KCNAB2: variants seen among roughly 807,000 people sequenced by gnomAD.
The protein encoded by KCNAB2 is potassium voltage-gated channel subfamily A regulatory beta subunit 2.
Under a neutral mutation model 63.6 loss-of-function variants are expected in KCNAB2, and 29 were observed. The ratio of observed to expected loss-of-function variants is 0.46; its 90% confidence interval spans 0.34 to 0.62. The LOEUF is 0.62. Ranked by LOEUF, KCNAB2 falls within the 20% of genes least tolerant of loss-of-function variation. KCNAB2 has a pLI of 0.01. For missense variants in KCNAB2, 359 were observed against 563.9 expected (o/e 0.64, Z 3.68); for synonymous variants, 222 against 224.2 (o/e 0.99, Z 0.09).
chr1:6,050,110 A>G (rs553890164), intron 1 of KCNAB2, among the ~76,000 whole-genome samples: 5 of 152,306 alleles, frequency 3.3e-5, no homozygotes, highest in Admixed American at 2.0e-4. Context: ...ACCGTGCTAA[A>G]GCCTCTGTAG....
At chr1:6,049,763 C>T (rs928923857) in intron 1 of KCNAB2, among the ~76,000 whole-genome samples, 5 of 152,234 alleles carry the variant, frequency 3.3e-5, no homozygotes, top group African/African-American at 1.2e-4. Context: ...ATGCAACAGG[C>T]ATTTGTAGGC....
chr1:6,051,235 G>A (rs777970280), intron 1 of KCNAB2, among the ~76,000 whole-genome samples: 9 of 152,222 alleles, frequency 5.9e-5, no homozygotes, highest in Non-Finnish European at 1.2e-4. Context: ...TGTCCTGCCT[G>A]GAATGCAGCT....
In KCNAB2 at chr1:6,086,239, G is replaced by A. The variant is rs1244951189; in HGVS notation, c.425+991G>A. Reference sequence around the variant, plus strand: ...ACTCAGAATCCCAGTGCCAAGGGGAGCCCCCGCCCCCTCCCCCATGGATTC... The same window carrying A: ...ACTCAGAATCCCAGTGCCAAGGGGAACCCCCGCCCCCTCCCCCATGGATTC... On this transcript the variant is annotated intron_variant, in intron 6 of 15. Transcript: ENST00000378083. This position sits in a 1 kb window ranked among gnomAD's most constrained non-coding sequence, Gnocchi z 4.2. 3.0e-6 allele frequency: 3 copies of A among 983,968 alleles called. No individual in the cohort carries two copies. The highest frequency in any genetic ancestry group is 3.6e-6 in the Non-Finnish European group (3 of 828,922). 61.0% of individuals were successfully genotyped at this position (983,968 alleles called of 1,614,324 possible).
intron 2 of KCNAB2, among the ~76,000 whole-genome samples, chr1:6,070,719 C>T (rs537930367): frequency 6.6e-6 from 1 of 152,218 alleles, no homozygotes; most frequent in South Asian, 2.1e-4. Flanking sequence ...TGGCAGCCAC[C>T]GTGAGAAAGG....
intron 10 of KCNAB2, among the ~76,000 whole-genome samples, chr1:6,091,817 C>T (rs541176247): frequency 2.6e-5 from 4 of 152,310 alleles, no homozygotes; most frequent in Admixed American, 1.3e-4. Context: ...GTCCACAGCA[C>T]GCTGCTCCTC....
At chr1:6,062,396 T>C (rs933544519) in intron 2 of KCNAB2, among the ~76,000 whole-genome samples, 16 of 152,168 alleles carry the variant, frequency 1.1e-4, no homozygotes, top group African/African-American at 3.9e-4. Context: ...GGAAACGCCA[T>C]TCCCCCAGTA....
rs535197060 is a variant in KCNAB2 at position 6,090,733 on chromosome 1, G to A, written c.601+258G>A. On this transcript the variant is annotated intron_variant, in intron 9 of 15. Coordinates refer to ENST00000378083, the MANE Select transcript of KCNAB2 (RefSeq NM_001199862.2). ...CCTGTCCTGGCTTTGGACCCAGGCC[G>A]ATCCGCCCTCCGAGTCAGAGCCGCA... Among the ~76,000 whole-genome samples the A allele has an allele frequency of 5.3e-5, 8 of 152,276 alleles. No individual in the cohort carries two copies. The East Asian group carries it at 1.2e-3, about 22-fold the overall frequency.
chr1:6,027,351 T>C (rs1296422), intron 1 of KCNAB2: 145,494 of 152,600 alleles, frequency 0.95, 69,388 homozygotes, highest in East Asian at 1. Flanking sequence ...CTGCTGCCTC[T>C]GCAGGGGACA....
intron 1 of KCNAB2, among the ~76,000 whole-genome samples, chr1:6,013,814 G>A (rs12119217): frequency 0.1 from 15,626 of 152,040 alleles, 1,104 homozygotes; most frequent in Non-Finnish European, 0.15. Flanking sequence ...GCTGCTGCCC[G>A]GGCCCCCCCA....
At chr1:6,077,601 G>A (rs1372514879) in intron 4 of KCNAB2, among the ~76,000 whole-genome samples, 5 of 152,220 alleles carry the variant, frequency 3.3e-5, no homozygotes, top group African/African-American at 1.2e-4. Flanking sequence ...TGATTGGCCG[G>A]GCTTTCCTCC....
At chr1:5,997,559 C>A (rs1657008923) in intron 1 of KCNAB2, among the ~76,000 whole-genome samples, 1 of 152,220 alleles carries the variant, frequency 6.6e-6, no homozygotes, top group Non-Finnish European at 1.5e-5. Context: ...GCATGCTCCC[C>A]CTCCTTCACC....
intron 1 of KCNAB2, among the ~76,000 whole-genome samples, chr1:5,993,006 T>C (rs1440449569): frequency 2.0e-5 from 3 of 151,710 alleles, no homozygotes; most frequent in Non-Finnish European, 4.4e-5. Context: ...TCCCTTTCTG[T>C]CTTTCCTTCC....
chr1:6,073,592 C>G lies in KCNAB2; in HGVS notation c.263-141C>G. ...TCTGAAGGCCAGCTGTCCACACACA[C>G]TAAGGACACCCTGGCCACAGAGCAG... is the stretch of plus-strand genomic sequence containing the variant. On this transcript the variant is annotated intron_variant, in intron 3 of 15. Coordinates refer to ENST00000378083, the MANE Select transcript of KCNAB2 (RefSeq NM_001199862.2). This position sits in a 1 kb window ranked among gnomAD's most constrained non-coding sequence, Gnocchi z 5.7. 1 of 767,346 alleles carries G rather than the reference C, an allele frequency of 1.3e-6. No homozygotes were observed. 47.5% of individuals were successfully genotyped at this position (767,346 alleles called of 1,614,324 possible). A position where few individuals can be genotyped will look rare whatever the true frequency, so the allele number is the denominator to read the frequency against.
intron 1 of KCNAB2, among the ~76,000 whole-genome samples, chr1:6,005,494 G>A (rs1657610296): frequency 6.6e-6 from 1 of 151,856 alleles, no homozygotes; most frequent in South Asian, 2.1e-4. Context: ...GAGGGCCTTG[G>A]AGCACACCTG....
chr1:6,050,659 C>A (rs1006111350), intron 1 of KCNAB2, among the ~76,000 whole-genome samples: 2 of 152,218 alleles, frequency 1.3e-5, no homozygotes, highest in Non-Finnish European at 2.9e-5. Context: ...CTTAGGTAAC[C>A]AGTTTCCCTA....
In KCNAB2 at chr1:6,020,882, A is replaced by T. The variant is rs181542923; in HGVS notation, c.-52-19635A>T. Among the ~76,000 whole-genome samples, 385 of 150,416 alleles carry T rather than the reference A, an allele frequency of 2.6e-3. 3 individuals are homozygous for T. The highest frequency in any genetic ancestry group is 9.0e-3 in the African/African-American group (368 of 40,834). On this transcript the variant is annotated intron_variant, in intron 1 of 16. Coordinates refer to the KCNAB2 transcript ENST00000341524. The stretch of plus-strand genomic sequence containing the variant: ...ACCATGTTGGCCAGGCTGGTCTCGA[A>T]CTCCTGACCTCAGGTGATCTGCCCG...
Position 6,086,420 on chromosome 1 carries a change from A to G in KCNAB2, c.426-1047A>G. 3.1e-6 allele frequency: 3 copies of G among 976,726 alleles called. No homozygotes were observed. Among genetic ancestry groups the G allele is most frequent in the Non-Finnish European group, 3.6e-6 (3 of 822,072 alleles). 60.5% of individuals were successfully genotyped at this position (976,726 alleles called of 1,614,324 possible). On this transcript the variant is annotated intron_variant, in intron 6 of 15. Coordinates refer to ENST00000378083, the MANE Select transcript of KCNAB2 (RefSeq NM_001199862.2). The surrounding 1 kb of genome is among the most constrained non-coding windows in gnomAD (Gnocchi z 4.2). ...ATGTGCATGGAGGTGGTGTGGGGTG[A>G]TCCCCCTTCCTGGAGGTGACGCTGC...
At chr1:6,095,759 GC>G in intron 13 of KCNAB2, 135 bp downstream of exon 13, 1 of 806,672 alleles carries the variant, frequency 1.2e-6, no homozygotes, top group South Asian at 1.6e-5. Flanking sequence ...TCTGCTGGGG[GC>G]GGGCTCCTTG....
rs200593284 is a variant in KCNAB2, at chr1:6,078,442, A to AG, written c.301-3747dup. On this transcript the variant is annotated intron_variant, in intron 4 of 15. Transcript: ENST00000378083. The surrounding 1 kb of genome is among the most constrained non-coding windows in gnomAD (Gnocchi z 4.2). ...GAGAAGAAAGTAGAAAAAGGAGGGC[A>AG]GGGGGGCGGGGGTCCTGACGACAGG... is the stretch of plus-strand genomic sequence containing the variant. Among the ~76,000 whole-genome samples, 5 of 134,062 alleles carry AG rather than the reference A, an allele frequency of 3.7e-5. No homozygotes were observed. The highest frequency in any genetic ancestry group is 2.4e-4 in the South Asian group (1 of 4,108). 87.9% of individuals were successfully genotyped at this position (134,062 alleles called of 152,430 possible). A position where few individuals can be genotyped will look rare whatever the true frequency, so the allele number is the denominator to read the frequency against.
Sources: gnomAD v4.1 joint callset for allele counts (sites outside exome capture counted in the v4.1 genomes callset) on GRCh38, gnomAD v4.1.1 for gene constraint, Gnocchi (gnomAD v3.1) non-coding constraint, MANE v1.5 for transcripts, NCBI Gene and HGNC (gene_info 2026-07-23, HGNC 2026-07-21) for gene names.